Variants in TNFSF4 observed in about 807,000 individuals in gnomAD.
The protein encoded by TNFSF4 is tumor necrosis factor ligand superfamily member 4.
A neutral mutation model predicts 7.3 loss-of-function variants in TNFSF4; 4 were observed. The ratio of observed to expected loss-of-function variants is 0.55; its 90% CI spans 0.27 to 1.25. TNFSF4 has a LOEUF of 1.25. Among genes scored for constraint, TNFSF4 ranks in the 50% most tolerant of loss-of-function variants. TNFSF4 has a pLI of 0.12. For synonymous variants in TNFSF4, 76 were observed against 83.7 expected, an observed-to-expected ratio of 0.91 and a Z score of 0.50; for missense variants, 181 against 208.8, an observed-to-expected ratio of 0.87 and a Z score of 0.82.
chr1:173,425,495 G>C, the TNFSF4 span, among the ~76,000 whole-genome samples: 4 of 152,224 alleles, frequency 2.6e-5, no homozygotes. Flanking sequence ...TTGCATGTTA[G>C]ATGAGGTAAA....
the TNFSF4 span, among the ~76,000 whole-genome samples, chr1:173,349,218 C>T: frequency 3.3e-5 from 5 of 151,874 alleles, no homozygotes; most frequent in African/African-American, 7.3e-5. Context: ...TTAGTAGAGA[C>T]GGGGTTTCAC....
chr1:173,349,077 G>A, the TNFSF4 span, among the ~76,000 whole-genome samples: 1 of 152,040 alleles, frequency 6.6e-6, no homozygotes, highest in African/African-American at 2.4e-5. Flanking sequence ...CTCCCAGGCT[G>A]GAGTGCAGTG....
At chr1:173,215,368 G>A in the TNFSF4 span, among the ~76,000 whole-genome samples, 8 of 152,094 alleles carry the variant, frequency 5.3e-5, no homozygotes, top group Non-Finnish European at 1.2e-4. Context: ...TGTACCAAAA[G>A]AGCATTGCTT....
the TNFSF4 span, among the ~76,000 whole-genome samples, chr1:173,379,518 T>G: frequency 6.6e-6 from 1 of 152,050 alleles, no homozygotes; most frequent in Non-Finnish European, 1.5e-5. Flanking sequence ...CCCTTGAGGG[T>G]CAATTGATCC....
Position 173,186,260 on chromosome 1 carries a change from G to C in TNFSF4, c.*256C>G. On this transcript the variant is annotated 3_prime_UTR_variant, in exon 3 of 3. Coordinates refer to ENST00000281834, the MANE Select transcript of TNFSF4 (RefSeq NM_003326.5). ...TTTTTCTTTCTCACAAAGGTGCCTA[G>C]TAGGCTCAAGGCAATCTTGGGGTGT... The C allele has an allele frequency of 2.6e-6, 1 of 391,566 alleles. No homozygotes were observed. The highest frequency in any genetic ancestry group is 4.6e-6 in the Non-Finnish European group (1 of 219,428). 24.3% of individuals were successfully genotyped at this position (391,566 alleles called of 1,614,324 possible).
the TNFSF4 span, among the ~76,000 whole-genome samples, chr1:173,249,675 A>G: frequency 6.6e-6 from 1 of 152,212 alleles, no homozygotes; most frequent in Non-Finnish European, 1.5e-5. Flanking sequence ...CACACAGTAT[A>G]TTAACAGTTC....
chr1:173,412,340 A>G, the TNFSF4 span, among the ~76,000 whole-genome samples: 1 of 152,180 alleles, frequency 6.6e-6, no homozygotes, highest in Non-Finnish European at 1.5e-5. Flanking sequence ...CTGCCTCACA[A>G]TCTCAAATGC....
At chr1:173,284,692 C>G in the TNFSF4 span, among the ~76,000 whole-genome samples, 1 of 152,156 alleles carries the variant, frequency 6.6e-6, no homozygotes, top group Non-Finnish European at 1.5e-5. Flanking sequence ...AAGTAAAAAT[C>G]TACTCTCCAT....
At chr1:173,181,279 T>C (rs1272719454), downstream of TNFSF4, among the ~76,000 whole-genome samples, 1 of 152,204 alleles carries the variant, frequency 6.6e-6, no homozygotes, top group Non-Finnish European at 1.5e-5. Context: ...TTGTATTTTG[T>C]TGTTATTGTT....
chr1:173,331,433 A>C, the TNFSF4 span, among the ~76,000 whole-genome samples: 1 of 151,762 alleles, frequency 6.6e-6, no homozygotes, highest in East Asian at 1.9e-4. Context: ...TAGGACATGA[A>C]AGATTTGGAA....
chr1:173,250,463 G>GTT, the TNFSF4 span, among the ~76,000 whole-genome samples: 923 of 139,928 alleles, frequency 6.6e-3, 7 homozygotes, highest in African/African-American at 0.022. Flanking sequence ...TTGTTTTTTT[G>GTT]TTTTTTTTTT....
the TNFSF4 span, among the ~76,000 whole-genome samples, chr1:173,381,096 T>G: frequency 6.6e-6 from 1 of 152,156 alleles, no homozygotes; most frequent in Admixed American, 6.6e-5. Context: ...GGAACCGGAA[T>G]AGCCAGTTTA....
chr1:173,247,431 AG>A, the TNFSF4 span, among the ~76,000 whole-genome samples: 1 of 152,180 alleles, frequency 6.6e-6, no homozygotes, highest in Non-Finnish European at 1.5e-5. Context: ...TTAAAGATTA[AG>A]AGGAAAAATT....
At chr1:173,201,363 T>A (rs1397736472) in intron 1 of TNFSF4, among the ~76,000 whole-genome samples, 1 of 152,218 alleles carries the variant, frequency 6.6e-6, no homozygotes, top group Non-Finnish European at 1.5e-5. Flanking sequence ...AAATCAAGGT[T>A]CATGAAGTTA....
At chr1:173,178,768 G>A (rs1648997664), downstream of TNFSF4, among the ~76,000 whole-genome samples, 1 of 152,046 alleles carries the variant, frequency 6.6e-6, no homozygotes, top group Admixed American at 6.6e-5. Context: ...GCCTGTGAAT[G>A]TTACCTCCTG....
the TNFSF4 span, among the ~76,000 whole-genome samples, chr1:173,241,394 C>T: frequency 6.6e-4 from 101 of 152,294 alleles, no homozygotes; most frequent in African/African-American, 2.0e-3. Context: ...ATGAAGAAGA[C>T]GGTGCCTGCA....
At chr1:173,358,190 T>G in the TNFSF4 span, among the ~76,000 whole-genome samples, 1 of 152,150 alleles carries the variant, frequency 6.6e-6, no homozygotes, top group African/African-American at 2.4e-5. Context: ...CCAAGGAATT[T>G]GGGCAGCTTC....
At chr1:173,421,675 G>GA in the TNFSF4 span, among the ~76,000 whole-genome samples, 82 of 144,122 alleles carry the variant, frequency 5.7e-4, no homozygotes, top group African/African-American at 1.5e-3. Flanking sequence ...ATCGTTTCTG[G>GA]AAAAAAAAAA....
chr1:173,242,246 C>T, the TNFSF4 span, among the ~76,000 whole-genome samples: 1 of 152,096 alleles, frequency 6.6e-6, no homozygotes, highest in Non-Finnish European at 1.5e-5. Context: ...TTAAAATGAT[C>T]ATCTGGTTAT....
Sources: gnomAD v4.1 joint callset for allele counts (sites outside exome capture counted in the v4.1 genomes callset) on GRCh38, gnomAD v4.1.1 for gene constraint, MANE v1.5 for transcripts, NCBI Gene and HGNC (gene_info 2026-07-23, HGNC 2026-07-21) for gene names.